PPP2R2C: variants seen among roughly 807,000 people sequenced by gnomAD.
PPP2R2C encodes the protein protein phosphatase 2, regulatory subunit B, gamma.
Under a neutral mutation model 45.3 loss-of-function variants are expected in PPP2R2C, and 10 were observed. The ratio of observed to expected loss-of-function variants is 0.22; its 90% confidence interval spans 0.14 to 0.37. PPP2R2C has a LOEUF of 0.37. Among genes scored for constraint, PPP2R2C ranks in the 10% least tolerant of loss-of-function variants. The probability of loss-of-function intolerance (pLI) is 1.00; values close to 1 mark genes in which losing one functional copy is unlikely to be tolerated. For synonymous variants in PPP2R2C, 257 were observed against 245.4 expected (o/e 1.05, Z -0.44); for missense variants, 308 against 619.7 (o/e 0.50, Z 5.34).
Position 6,323,235 on chromosome 4 carries a change from G to T in PPP2R2C, c.*67C>A, listed in dbSNP as rs888717286. 3 of 1,516,936 alleles carry T rather than the reference G, an allele frequency of 2.0e-6. No individual in the cohort carries two copies. In the African/African-American group the frequency reaches 4.1e-5, roughly 21 times the overall value. The allele number at this position is 1,516,936 out of a possible 1,614,324, so 94.0% of individuals were successfully genotyped here. A position where few individuals can be genotyped will look rare whatever the true frequency, so the allele number is the denominator to read the frequency against. ...ACTTTCTTCCCCTCCTTGCATTGCGGTCGTGAAGGTCATGTCGGGGATGAC... is the reference window on the plus strand; with the variant it reads ...ACTTTCTTCCCCTCCTTGCATTGCGTTCGTGAAGGTCATGTCGGGGATGAC... On this transcript the variant is annotated 3_prime_UTR_variant, in exon 9 of 9. Coordinates refer to ENST00000382599, the MANE Select transcript of PPP2R2C (RefSeq NM_020416.4).
intron 2 of PPP2R2C, among the ~76,000 whole-genome samples, chr4:6,529,403 T>G (rs986367534): frequency 1.3e-5 from 2 of 152,190 alleles, no homozygotes; most frequent in Non-Finnish European, 2.9e-5. Flanking sequence ...AGCAGGGGGC[T>G]CATAGTCAAT....
chr4:6,459,088 C>T lies in PPP2R2C; in HGVS notation c.70+13072G>A, dbSNP rs141987777. Among the ~76,000 whole-genome samples the T allele has an allele frequency of 9.3e-4, 142 of 152,254 alleles. 2 individuals carry two copies. The East Asian group carries it at 0.022, about 23-fold the overall frequency. ...AACAAAGCACTTCAAAACTTAATGG[C>T]TTCAAGCAGAAACCATTTATTTGGT... On this transcript the variant is annotated intron_variant, in intron 1 of 8. Coordinates refer to ENST00000382599, the MANE Select transcript of PPP2R2C (RefSeq NM_020416.4).
At chr4:6,460,150 GC>G (rs1487436040) in intron 1 of PPP2R2C, among the ~76,000 whole-genome samples, 2 of 152,158 alleles carry the variant, frequency 1.3e-5, no homozygotes, top group East Asian at 3.8e-4. Context: ...GCTGAAATGT[GC>G]CCCCTCCCCA....
intron 1 of PPP2R2C, among the ~76,000 whole-genome samples, chr4:6,426,504 C>G (rs536808243): frequency 6.6e-6 from 1 of 152,118 alleles, no homozygotes; most frequent in Non-Finnish European, 1.5e-5. Context: ...TGCAGCCACT[C>G]GGTCGGTGCA....
intron 2 of PPP2R2C, among the ~76,000 whole-genome samples, chr4:6,484,061 C>T (rs1361459714): frequency 6.6e-6 from 1 of 152,004 alleles, no homozygotes; most frequent in Non-Finnish European, 1.5e-5. Flanking sequence ...GCCTAAAATA[C>T]TTACTATCTG....
Position 6,381,279 on chromosome 4 carries a change from C to T in PPP2R2C, c.71-185G>A, listed in dbSNP as rs771147076. The T allele has an allele frequency of 2.4e-5, 36 of 1,530,084 alleles. No homozygotes were observed. In the South Asian group the frequency reaches 2.4e-4, roughly 10 times the overall value. The allele number at this position is 1,530,084 out of a possible 1,614,324, so 94.8% of individuals were successfully genotyped here. A position where few individuals can be genotyped will look rare whatever the true frequency, so the allele number is the denominator to read the frequency against. ...GGGGCCACCAACCTGTCCCCTCCTG[C>T]CCTCCTCTTCCCTCTGCACTGGCTG... is the stretch of plus-strand genomic sequence containing the variant. On this transcript the variant is annotated intron_variant, in intron 1 of 8. Transcript: ENST00000382599.
At chr4:6,536,803 C>T (rs550985619) in intron 1 of PPP2R2C, among the ~76,000 whole-genome samples, 1 of 152,358 alleles carries the variant, frequency 6.6e-6, no homozygotes, top group African/African-American at 2.4e-5. Context: ...AAACGACATA[C>T]ATGGACATCA....
In PPP2R2C at chr4:6,329,502, T is replaced by TGACACAGCCC. The variant is rs576850018; in HGVS notation, c.961-159_961-150dup. 2.0e-4 allele frequency: 143 copies of TGACACAGCCC among 703,632 alleles called. No homozygotes were observed. Among genetic ancestry groups the TGACACAGCCC allele is most frequent in the African/African-American group, 1.8e-3 (105 of 57,042 alleles). The allele number at this position is 703,632 out of a possible 1,614,324, so 43.6% of individuals were successfully genotyped here. Reference sequence around the variant, plus strand: ...CATCTCAGCGAGGGTCTGAATGCTCTGACACAGCCCGACACAGCCCTGCTC... The same window carrying TGACACAGCCC: ...CATCTCAGCGAGGGTCTGAATGCTCTGACACAGCCCGACACAGCCCGACACAGCCCTGCTC... On this transcript the variant is annotated intron_variant, in intron 7 of 8. Coordinates refer to ENST00000382599, the MANE Select transcript of PPP2R2C (RefSeq NM_020416.4). The surrounding 1 kb of genome is among the most constrained non-coding windows in gnomAD (Gnocchi z 5.8).
intron 1 of PPP2R2C, among the ~76,000 whole-genome samples, chr4:6,392,809 G>C (rs11733363): frequency 0.13 from 19,837 of 152,222 alleles, 1,477 homozygotes; most frequent in South Asian, 0.23. Flanking sequence ...AGCACTTTCA[G>C]GGGTGGGCGT....
intron 2 of PPP2R2C, among the ~76,000 whole-genome samples, chr4:6,493,980 TG>T (rs1199938338): frequency 2.0e-5 from 3 of 152,228 alleles, no homozygotes; most frequent in Non-Finnish European, 4.4e-5. Context: ...CATGCTCATT[TG>T]CCCCACGCCT....
chr4:6,489,654 G>A (rs1722634451), intron 2 of PPP2R2C, among the ~76,000 whole-genome samples: 1 of 152,138 alleles, frequency 6.6e-6, no homozygotes, highest in African/African-American at 2.4e-5. Context: ...AGAATTGAAG[G>A]CACTGATATA....
chr4:6,344,737 TTC>T (rs745576228), intron 6 of PPP2R2C, among the ~76,000 whole-genome samples: 27 of 152,352 alleles, frequency 1.8e-4, no homozygotes, highest in Non-Finnish European at 2.9e-4. Context: ...TTCCAGAGTT[TTC>T]TCTGTTTCCA....
rs571690949 is a variant in PPP2R2C, at chr4:6,378,298, G to C, written c.334+109C>G. ...TCAAAAAGGATATTATTTTCTAGGCGTTCTGAAGACATAGAAAAATGCTCA... is the reference window on the plus strand; with the variant it reads ...TCAAAAAGGATATTATTTTCTAGGCCTTCTGAAGACATAGAAAAATGCTCA... On this transcript the variant is annotated intron_variant, in intron 3 of 8. Coordinates refer to ENST00000382599, the MANE Select transcript of PPP2R2C (RefSeq NM_020416.4). This position sits in a 1 kb window ranked among gnomAD's most constrained non-coding sequence, Gnocchi z 5.2. The C allele has an allele frequency of 6.4e-7, 1 of 1,563,528 alleles. No homozygotes were observed. The highest frequency in any genetic ancestry group is 8.6e-7 in the Non-Finnish European group (1 of 1,158,596).
At chr4:6,448,481 C>T (rs977573786) in intron 1 of PPP2R2C, among the ~76,000 whole-genome samples, 2 of 152,124 alleles carry the variant, frequency 1.3e-5, no homozygotes, top group African/African-American at 4.8e-5. Context: ...GAGTTCCAAG[C>T]GGCTCCCAGG....
intron 1 of PPP2R2C, among the ~76,000 whole-genome samples, chr4:6,470,162 G>C (rs1197446961): frequency 6.6e-6 from 1 of 152,238 alleles, no homozygotes; most frequent in Non-Finnish European, 1.5e-5. Flanking sequence ...GGGAGACTGA[G>C]CCCTGGTGAG....
intron 8 of PPP2R2C, 145 bp from the exon 9 acceptor site, chr4:6,323,738 C>T: frequency 1.3e-6 from 1 of 761,794 alleles, no homozygotes. Context: ...GAGTTCAAGA[C>T]CAGCCTGGAC....
chr4:6,494,638 C>A (rs1722814971), intron 2 of PPP2R2C, among the ~76,000 whole-genome samples: 2 of 152,152 alleles, frequency 1.3e-5, no homozygotes. Context: ...ACCCAGGGCA[C>A]CAAGCACACG....
chr4:6,381,724 C>A, intron 1 of PPP2R2C: 3 of 1,578,508 alleles, frequency 1.9e-6, no homozygotes, highest in East Asian at 2.3e-5. Context: ...TTCATCCCAA[C>A]CATGTTTCTT....
intron 1 of PPP2R2C, among the ~76,000 whole-genome samples, chr4:6,450,566 T>C (rs1720684763): frequency 6.6e-6 from 1 of 151,764 alleles, no homozygotes; most frequent in Non-Finnish European, 1.5e-5. Context: ...TGAAGGACGG[T>C]GATAGGGGAG....
Sources: allele counts gnomAD v4.1 joint callset (sites outside exome capture counted in the v4.1 genomes callset), GRCh38; gene constraint gnomAD v4.1.1; non-coding constraint Gnocchi (gnomAD v3.1); transcripts MANE v1.5; gene names NCBI Gene and HGNC (gene_info 2026-07-23, HGNC 2026-07-21).